Variants in DOCK3 observed in about 807,000 individuals in gnomAD.
DOCK3 encodes the protein dedicator of cytokinesis 3.
A neutral mutation model predicts 265.6 loss-of-function variants in DOCK3; 60 were observed. That is an observed-to-expected ratio of 0.23 (90% CI 0.18 to 0.28). The LOEUF (loss-of-function observed/expected upper bound fraction) is 0.28. DOCK3 is among the 10% of genes least tolerant of loss of function. The pLI, the probability that DOCK3 is intolerant of heterozygous loss-of-function variation, is 1.00. For missense variants in DOCK3, 1,981 were observed against 2,594.3 expected (o/e 0.76, Z 5.14); for synonymous variants, 881 against 938.0 (o/e 0.94, Z 1.11).
chr3:50,783,610 A>G (rs545945467), intron 2 of DOCK3, among the ~76,000 whole-genome samples: 2 of 152,214 alleles, frequency 1.3e-5, no homozygotes, highest in Admixed American at 1.3e-4. Flanking sequence ...GTCCTTCGTT[A>G]GATGCATAGT....
At chr3:51,109,787 G>A (rs186472024) in intron 9 of DOCK3, among the ~76,000 whole-genome samples, 1 of 151,972 alleles carries the variant, frequency 6.6e-6, no homozygotes, top group Non-Finnish European at 1.5e-5. Context: ...ACTAAAATTA[G>A]CCAGTCATGG....
At position 50,676,637 on chromosome 3, in the gene DOCK3, A is replaced by C. The variant is rs867991227; in HGVS notation, c.37+1337A>C. On this transcript the variant is annotated intron_variant, in intron 1 of 52. Coordinates refer to ENST00000266037, the MANE Select transcript of DOCK3 (RefSeq NM_004947.5). ...AACTGCTGAACTAGAATAACAAATA[A>C]TTGATGTGAGTGGTCAACTCTCCAG... Among the ~76,000 whole-genome samples, 8 of 132,904 alleles carry C rather than the reference A, an allele frequency of 6.0e-5. No homozygotes were observed. The Admixed American group carries it at 6.4e-4, about 11-fold the overall frequency. 87.2% of individuals were successfully genotyped at this position (132,904 alleles called of 152,430 possible).
At chr3:50,988,910 G>A (rs2078001516) in intron 5 of DOCK3, among the ~76,000 whole-genome samples, 1 of 152,142 alleles carries the variant, frequency 6.6e-6, no homozygotes, top group Non-Finnish European at 1.5e-5. Context: ...TCCCTGGACA[G>A]AGCCTCCAGG....
At chr3:51,356,332 T>G in intron 42 of DOCK3, 75 bp from the exon 43 acceptor site, 1 of 1,611,888 alleles carries the variant, frequency 6.2e-7, no homozygotes, top group South Asian at 1.1e-5. Context: ...AACTCACCAC[T>G]GTTTTATCCC....
At chr3:51,198,657 G>T (rs544033564) in intron 12 of DOCK3, among the ~76,000 whole-genome samples, 2 of 151,180 alleles carry the variant, frequency 1.3e-5, no homozygotes, top group South Asian at 4.2e-4. Flanking sequence ...GTGCATTTCT[G>T]TGGGTTTGAA....
chr3:51,360,733 C>G, intron 47 of DOCK3, 101 bp downstream of exon 47: 1 of 1,480,750 alleles, frequency 6.8e-7, no homozygotes, highest in South Asian at 1.3e-5. Flanking sequence ...TTCCCTCTTA[C>G]CCATGCACAC....
intron 1 of DOCK3, among the ~76,000 whole-genome samples, chr3:50,739,225 A>G (rs577332660): frequency 3.9e-5 from 6 of 152,266 alleles, no homozygotes; most frequent in African/African-American, 1.2e-4. Flanking sequence ...CTCTTTATAT[A>G]CCACAGATAC....
intron 12 of DOCK3, among the ~76,000 whole-genome samples, chr3:51,189,894 C>T (rs182482683): frequency 2.3e-4 from 35 of 152,256 alleles, no homozygotes; most frequent in South Asian, 1.2e-3. Flanking sequence ...ATTCCCTTTT[C>T]ACCACATTCC....
At chr3:51,157,421 T>C (rs2085904672) in intron 10 of DOCK3, among the ~76,000 whole-genome samples, 1 of 152,002 alleles carries the variant, frequency 6.6e-6, no homozygotes, top group Admixed American at 6.5e-5. Flanking sequence ...AATTTTTGTA[T>C]TTTTAGTAGA....
chr3:51,365,879 T>G (rs1344925981), intron 49 of DOCK3, among the ~76,000 whole-genome samples: 1 of 152,224 alleles, frequency 6.6e-6, no homozygotes, highest in Non-Finnish European at 1.5e-5. Context: ...TGCTGCTGGA[T>G]TCAGTTTGCC....
chr3:50,718,891 C>T (rs149679423), intron 1 of DOCK3, among the ~76,000 whole-genome samples: 1 of 151,010 alleles, frequency 6.6e-6, no homozygotes, highest in Non-Finnish European at 1.5e-5. Flanking sequence ...TCAAGCCATT[C>T]TCCTGCCTCA....
chr3:50,887,646 C>T (rs1377537786), intron 3 of DOCK3, among the ~76,000 whole-genome samples: 11 of 102,512 alleles, frequency 1.1e-4, no homozygotes, highest in Non-Finnish European at 1.7e-4. Context: ...TCCAGCAGCA[C>T]GTCAAAAAGC....
chr3:50,749,060 A>T (rs1324915868), intron 1 of DOCK3, among the ~76,000 whole-genome samples: 2 of 152,054 alleles, frequency 1.3e-5, no homozygotes, highest in African/African-American at 2.4e-5. Flanking sequence ...CAAAATTAAG[A>T]TTACATGGGA....
chr3:50,770,446 C>CA (rs368675190), intron 1 of DOCK3, among the ~76,000 whole-genome samples: 150 of 137,258 alleles, frequency 1.1e-3, no homozygotes, highest in Admixed American at 3.7e-3. Context: ...GAAGGGGACA[C>CA]AAAAAAAAAG....
At chr3:50,745,294 C>T (rs544356472) in intron 1 of DOCK3, among the ~76,000 whole-genome samples, 2 of 152,082 alleles carry the variant, frequency 1.3e-5, no homozygotes, top group African/African-American at 4.8e-5. Context: ...GATCTGCCCA[C>T]CTCAGCCTCC....
intron 12 of DOCK3, among the ~76,000 whole-genome samples, chr3:51,163,045 C>T (rs1458407902): frequency 6.6e-6 from 1 of 152,152 alleles, no homozygotes; most frequent in African/African-American, 2.4e-5. Context: ...TAATCCACAT[C>T]AGCACAGTGA....
Position 51,169,069 on chromosome 3 carries a change from T to C in DOCK3, c.1037+8367T>C, listed in dbSNP as rs111395900. On this transcript the variant is annotated intron_variant, in intron 12 of 52. Coordinates refer to ENST00000266037, the MANE Select transcript of DOCK3 (RefSeq NM_004947.5). ...TCACACCAGTCAGAGTGGCTATCAT[T>C]AAAAAGTAAAAAAATAACAGATGCT... is the stretch of plus-strand genomic sequence containing the variant. 4.6e-5 allele frequency among the ~76,000 whole-genome samples: 7 copies of C among 152,028 alleles called. 2 individuals are homozygous for C. The highest frequency in any genetic ancestry group is 1.7e-4 in the African/African-American group (7 of 41,376).
chr3:50,760,782 CT>C lies in DOCK3; in HGVS notation c.38-17880del, dbSNP rs773636343. Among the ~76,000 whole-genome samples, 616 of 144,536 alleles carry C rather than the reference CT, an allele frequency of 4.3e-3. 1 individual carries two copies. The highest frequency in any genetic ancestry group is 0.011 in the African/African-American group (418 of 39,754). 94.8% of individuals were successfully genotyped at this position (144,536 alleles called of 152,430 possible). On this transcript the variant is annotated intron_variant, in intron 1 of 52. Transcript: ENST00000266037. ...TACCTCTAATAGTTTAATGTGGATT[CT>C]TTTTTTTTTTTTCTTTTGAGATGGA...
intron 2 of DOCK3, among the ~76,000 whole-genome samples, chr3:50,829,305 C>T (rs1649478380): frequency 6.6e-6 from 1 of 152,132 alleles, no homozygotes; most frequent in African/African-American, 2.4e-5. Context: ...TGAAAAGTCA[C>T]TGTGTTATTG....
Sources: allele counts gnomAD v4.1 joint callset (sites outside exome capture counted in the v4.1 genomes callset), GRCh38; gene constraint gnomAD v4.1.1; transcripts MANE v1.5; gene names NCBI Gene and HGNC (gene_info 2026-07-23, HGNC 2026-07-21).